The following RUNX3 variants were observed in gnomAD, a reference collection of about 807,000 sequenced individuals.
RUNX3 encodes RUNX family transcription factor 3.
Under a neutral mutation model 27.7 loss-of-function variants are expected in RUNX3, and 10 were observed. The observed-to-expected ratio is 0.36, with a 90% confidence interval of 0.22 to 0.61. RUNX3 has a LOEUF of 0.61. Among genes scored for constraint, RUNX3 ranks in the 20% least tolerant of loss-of-function variants. RUNX3 has a pLI of 0.72. For missense variants in RUNX3, 469 were observed against 629.5 expected, an observed-to-expected ratio of 0.75 and a Z score of 2.73; for synonymous variants, 270 against 269.2, an observed-to-expected ratio of 1.00 and a Z score of -0.03.
At chr1:24,921,620 C>A (rs994201380) in intron 2 of RUNX3, among the ~76,000 whole-genome samples, 2 of 152,222 alleles carry the variant, frequency 1.3e-5, no homozygotes, top group Non-Finnish European at 2.9e-5. Flanking sequence ...GCTCCCTGCC[C>A]GACCCCTCCT....
chr1:24,952,535 C>T (rs907405514), intron 2 of RUNX3, among the ~76,000 whole-genome samples: 2 of 152,212 alleles, frequency 1.3e-5, no homozygotes, highest in Admixed American at 6.5e-5. Flanking sequence ...TCTGAACACA[C>T]GTTGGGAGAT....
At chr1:24,945,938 G>A (rs192967741) in intron 2 of RUNX3, among the ~76,000 whole-genome samples, 127 of 152,118 alleles carry the variant, frequency 8.3e-4, no homozygotes, top group African/African-American at 2.8e-3. Context: ...TGTCCTTTAC[G>A]TTCCCTGACT....
chr1:24,958,191 C>T (rs569323547), intron 2 of RUNX3, among the ~76,000 whole-genome samples: 1 of 152,226 alleles, frequency 6.6e-6, no homozygotes, highest in East Asian at 1.9e-4. Flanking sequence ...CACAGTTGCT[C>T]CTCCCAACCA....
intron 2 of RUNX3, among the ~76,000 whole-genome samples, chr1:24,938,881 C>G (rs1472751214): frequency 6.6e-6 from 1 of 152,166 alleles, no homozygotes; most frequent in African/African-American, 2.4e-5. Flanking sequence ...TTGGACTTCC[C>G]AGTCTCCAGA....
intron 1 of RUNX3, chr1:24,929,330 A>G: frequency 1.5e-6 from 1 of 685,006 alleles, no homozygotes; most frequent in Non-Finnish European, 2.7e-6. Flanking sequence ...TTTCCGCACC[A>G]ACGTCTCTAC....
chr1:24,914,912 G>A (rs572624424), intron 3 of RUNX3, among the ~76,000 whole-genome samples: 2 of 152,070 alleles, frequency 1.3e-5, no homozygotes, highest in South Asian at 4.2e-4. Context: ...AGGCCTCCCC[G>A]CCCCATCCCT....
intron 2 of RUNX3, among the ~76,000 whole-genome samples, chr1:24,919,643 C>T (rs899156428): frequency 3.3e-5 from 5 of 151,974 alleles, no homozygotes; most frequent in Admixed American, 1.3e-4. Flanking sequence ...GAGACCCACA[C>T]GATTTTGTGG....
intron 2 of RUNX3, among the ~76,000 whole-genome samples, chr1:24,953,919 T>G (rs1025754787): frequency 3.4e-5 from 5 of 146,788 alleles, no homozygotes; most frequent in Non-Finnish European, 6.1e-5. Context: ...TAATGTGTGG[T>G]TTTTTTTTTT....
In RUNX3 at chr1:24,907,194, T is replaced by C. The variant is rs531575306; in HGVS notation, c.703+65A>G. ...GGACAGGCTTTTGGTCTGGGGCAGA[T>C]TGGACCACATCGAGGCCCTCCACCC... On this transcript the variant is annotated intron_variant, in intron 4 of 4. Transcript: ENST00000308873. The C allele has an allele frequency of 3.6e-5, 55 of 1,529,298 alleles. No homozygotes were observed. In the African/African-American group the frequency reaches 3.9e-4, roughly 11 times the overall value. The allele number at this position is 1,529,298 out of a possible 1,614,324, so 94.7% of individuals were successfully genotyped here. A position where few individuals can be genotyped will look rare whatever the true frequency, so the allele number is the denominator to read the frequency against.
intron 3 of RUNX3, among the ~76,000 whole-genome samples, chr1:24,912,124 T>A (rs1640808045): frequency 6.6e-6 from 1 of 152,200 alleles, no homozygotes; most frequent in Non-Finnish European, 1.5e-5. Flanking sequence ...GCCTCTTTCA[T>A]TCGGTTACCC....
intron 3 of RUNX3, among the ~76,000 whole-genome samples, chr1:24,917,302 A>C (rs1167389950): frequency 6.6e-6 from 1 of 152,056 alleles, no homozygotes; most frequent in Non-Finnish European, 1.5e-5. Flanking sequence ...ACCTCCTTCA[A>C]TGGAGACTTG....
At chr1:24,931,253 C>G (rs1332900954), upstream of RUNX3, among the ~76,000 whole-genome samples, 1 of 152,246 alleles carries the variant, frequency 6.6e-6, no homozygotes, top group Non-Finnish European at 1.5e-5. Context: ...AACCCCACTT[C>G]TTCTTGGGCC....
At chr1:24,909,877 G>C (rs1571305871) in intron 3 of RUNX3, among the ~76,000 whole-genome samples, 1 of 152,310 alleles carries the variant, frequency 6.6e-6, no homozygotes, top group Non-Finnish European at 1.5e-5. Flanking sequence ...CAGTCAGGCA[G>C]GGTGGCCAGG....
chr1:24,928,786 T>A, intron 1 of RUNX3: 2 of 298,702 alleles, frequency 6.7e-6, no homozygotes, highest in South Asian at 5.2e-5. Flanking sequence ...AGAGTCGTCT[T>A]AATGGGAGCA....
chr1:24,907,455 C>T (rs1458980173), intron 3 of RUNX3, 38 bp from the exon 4 acceptor site: 2 of 1,585,188 alleles, frequency 1.3e-6, no homozygotes, highest in East Asian at 2.3e-5. Flanking sequence ...GTTGCTTCCC[C>T]AGAGTCTCAG....
intron 2 of RUNX3, among the ~76,000 whole-genome samples, chr1:24,956,829 A>ATCCGCCTT (rs1225752017): frequency 2.6e-5 from 4 of 152,124 alleles, no homozygotes; most frequent in Non-Finnish European, 5.9e-5. Flanking sequence ...TTTCCACTCC[A>ATCCGCCTT]TCCGCCTTTC....
Position 24,927,775 on chromosome 1 carries a change from G to T in RUNX3, c.283-45C>A. On this transcript the variant is annotated intron_variant, in intron 1 of 4. Coordinates refer to ENST00000308873, the MANE Select transcript of RUNX3 (RefSeq NM_004350.3). The surrounding 1 kb of genome is among the most constrained non-coding windows in gnomAD (Gnocchi z 5.0). ...GGATGCAGGGGGACAGCTTAGAAAG[G>T]AAGAGGGTGACCAGGGAAAGGAGGG... is the stretch of plus-strand genomic sequence containing the variant. The T allele has an allele frequency of 6.3e-7, 1 of 1,581,240 alleles. No homozygotes were observed. Among genetic ancestry groups the T allele is most frequent in the Non-Finnish European group, 8.7e-7 (1 of 1,153,422 alleles).
chr1:24,917,183 G>C (rs1022566106), intron 3 of RUNX3, among the ~76,000 whole-genome samples: 15 of 152,130 alleles, frequency 9.9e-5, no homozygotes, highest in Non-Finnish European at 1.6e-4. Context: ...TTTCTGGAGT[G>C]GCTCCCCTCT....
Position 24,902,224 on chromosome 1 carries a change from G to A in RUNX3, c.1146C>T (p.Gly382=), listed in dbSNP as rs540632493. 39 of 1,572,754 alleles carry A rather than the reference G, an allele frequency of 2.5e-5. No homozygotes were observed. The highest frequency in any genetic ancestry group is 2.0e-4 in the Middle Eastern group (1 of 4,974). Residue 382 remains glycine (G), a synonymous_variant, in exon 5 of 5, where the codon GGC becomes GGT. Transcript: ENST00000308873. The surrounding 1 kb of genome is among the most constrained non-coding windows in gnomAD (Gnocchi z 9.2). ...CGGCCTCCACGCCATCACTCTGGCC[G>A]CCCAGGCTGGGGTTCATGAGGTTGC... ...AAGNLMNPSL[G]GQSDGVEADG... is the part of the protein sequence containing the mutation.
Sources: gnomAD v4.1 joint callset for allele counts (sites outside exome capture counted in the v4.1 genomes callset) on GRCh38, gnomAD v4.1.1 for gene constraint, Gnocchi (gnomAD v3.1) non-coding constraint, MANE v1.5 for transcripts, NCBI Gene and HGNC (gene_info 2026-07-23, HGNC 2026-07-21) for gene names.